Variants in FAT3 observed in about 807,000 individuals in gnomAD.
FAT3 encodes protocadherin Fat 3.
FAT3 carries 95 observed loss-of-function variants against 310.2 expected under a neutral mutation model. That is an observed-to-expected ratio of 0.31 (90% CI 0.26 to 0.36). FAT3 has a LOEUF of 0.36. Ranked by LOEUF, FAT3 falls within the 10% of genes least tolerant of loss-of-function variation. The probability of loss-of-function intolerance (pLI) is 1.00; values close to 1 mark genes in which losing one functional copy is unlikely to be tolerated. For missense variants in FAT3, 5,408 were observed against 5,715.6 expected, an observed-to-expected ratio of 0.95 and a Z score of 1.74; for synonymous variants, 2,314 against 2,192.9, an observed-to-expected ratio of 1.06 and a Z score of -1.54.
At chr11:92,805,060 C>T (rs1947464719) in intron 10 of FAT3, 93 bp from the exon 11 acceptor site, 2 of 1,281,012 alleles carry the variant, frequency 1.6e-6, no homozygotes, top group Non-Finnish European at 2.1e-6. Flanking sequence ...TTAAGGAGTA[C>T]CTGGATGACT....
chr11:92,398,807 G>C (rs1447403858), intron 2 of FAT3, among the ~76,000 whole-genome samples: 3 of 152,202 alleles, frequency 2.0e-5, no homozygotes, highest in East Asian at 1.9e-4. Context: ...CATGTTTGTT[G>C]CTTTTCACTA....
intron 1 of FAT3, among the ~76,000 whole-genome samples, chr11:92,334,987 G>A (rs1052207934): frequency 6.6e-6 from 1 of 152,166 alleles, no homozygotes; most frequent in South Asian, 2.1e-4. Context: ...ATCTTGATGA[G>A]CTCTGCATAT....
At chr11:92,724,626 T>G (rs1944949508) in intron 4 of FAT3, among the ~76,000 whole-genome samples, 1 of 152,214 alleles carries the variant, frequency 6.6e-6, no homozygotes, top group Non-Finnish European at 1.5e-5. Context: ...GTAAACTAAG[T>G]CTCATTATGA....
chr11:92,781,724 G>A (rs149531406), intron 7 of FAT3, among the ~76,000 whole-genome samples: 221 of 152,270 alleles, frequency 1.5e-3, no homozygotes, highest in African/African-American at 5.1e-3. Flanking sequence ...AGTTTCTTCA[G>A]CATAAAGAGA....
At chr11:92,278,437 G>C (rs372565145) in intron 1 of FAT3, among the ~76,000 whole-genome samples, 39 of 152,150 alleles carry the variant, frequency 2.6e-4, no homozygotes, top group African/African-American at 9.4e-4. Flanking sequence ...CTATACCTTT[G>C]AGTTTTGCTG....
chr11:92,592,563 G>C (rs1441343981), intron 3 of FAT3, among the ~76,000 whole-genome samples: 4 of 151,872 alleles, frequency 2.6e-5, no homozygotes, highest in Admixed American at 2.6e-4. Context: ...CTCATGATCT[G>C]CCTGGCTCGC....
At chr11:92,597,464 T>G (rs1939770067) in intron 3 of FAT3, among the ~76,000 whole-genome samples, 1 of 152,290 alleles carries the variant, frequency 6.6e-6, no homozygotes, top group South Asian at 2.1e-4. Flanking sequence ...CTCTACCATG[T>G]GCATTATTCA....
At chr11:92,436,417 C>G (rs1333803011) in intron 2 of FAT3, among the ~76,000 whole-genome samples, 1 of 152,188 alleles carries the variant, frequency 6.6e-6, no homozygotes, top group Non-Finnish European at 1.5e-5. Flanking sequence ...GCTGGGATTA[C>G]AGGCGTGAGC....
chr11:92,403,760 G>A (rs1950075195), intron 2 of FAT3, among the ~76,000 whole-genome samples: 1 of 152,108 alleles, frequency 6.6e-6, no homozygotes, highest in Non-Finnish European at 1.5e-5. Flanking sequence ...ATGGGGGCCG[G>A]GTGCAGTGGT....
Position 92,764,871 on chromosome 11 carries a change from G to A in FAT3, c.3985-8G>A, listed in dbSNP as rs749430714. The A allele has an allele frequency of 3.1e-6, 5 of 1,612,770 alleles. No homozygotes were observed. The highest frequency in any genetic ancestry group is 4.2e-6 in the Non-Finnish European group (5 of 1,179,266). ...AGACATCTTTCTCTTCTCTCCCTGT[G>A]TGAGTAGATAAAGGCAGTGGACAAT... is the stretch of plus-strand genomic sequence containing the variant. On this transcript the variant is annotated splice_region_variant and splice_polypyrimidine_tract_variant and intron_variant, in intron 5 of 27. Coordinates refer to ENST00000525166, the MANE Select transcript of FAT3 (RefSeq NM_001367949.2).
chr11:92,366,549 TC>T, intron 2 of FAT3: 1 of 498,226 alleles, frequency 2.0e-6, no homozygotes. Flanking sequence ...TTACCGATCA[TC>T]CCCCAAGAAC....
chr11:92,387,063 AGTGTGTGTGTGTGTGTGT>A (rs67529435), intron 2 of FAT3, among the ~76,000 whole-genome samples: 45,680 of 144,202 alleles, frequency 0.32, 7,400 homozygotes, highest in Non-Finnish European at 0.36. Context: ...TATGGGAGCT[AGTGTGTGTGTGTGTGTGT>A]GTGTGTGTGT....
At chr11:92,663,614 T>C (rs1942862369) in intron 3 of FAT3, among the ~76,000 whole-genome samples, 1 of 152,164 alleles carries the variant, frequency 6.6e-6, no homozygotes, top group Non-Finnish European at 1.5e-5. Context: ...ATACACCTGC[T>C]CAGTTGGTCA....
chr11:92,483,928 A>G (rs972712685), intron 2 of FAT3, among the ~76,000 whole-genome samples: 3 of 152,246 alleles, frequency 2.0e-5, no homozygotes, highest in Admixed American at 1.3e-4. Context: ...CAGGTCTGCC[A>G]TAATGCCATT....
At chr11:92,563,731 T>G (rs1955319916) in intron 3 of FAT3, among the ~76,000 whole-genome samples, 1 of 152,052 alleles carries the variant, frequency 6.6e-6, no homozygotes, top group African/African-American at 2.4e-5. Flanking sequence ...GGGGCCAAAA[T>G]TCAACATTCT....
At chr11:92,554,798 T>C (rs560947094) in intron 3 of FAT3, among the ~76,000 whole-genome samples, 2 of 152,210 alleles carry the variant, frequency 1.3e-5, no homozygotes, top group African/African-American at 2.4e-5. Flanking sequence ...TGGTGCGTTG[T>C]TGCCAGTCTC....
At chr11:92,468,418 A>G (rs1291576898) in intron 2 of FAT3, among the ~76,000 whole-genome samples, 4 of 152,224 alleles carry the variant, frequency 2.6e-5, no homozygotes, top group East Asian at 1.9e-4. Flanking sequence ...CCCTTGTCAT[A>G]TATAACCTTT....
chr11:92,354,585 A>G lies in FAT3; in HGVS notation c.2473A>G (p.Asn825Asp). The G allele has an allele frequency of 6.2e-7, 1 of 1,613,852 alleles. No individual in the cohort carries two copies. The highest frequency in any genetic ancestry group is 1.6e-4 in the Middle Eastern group (1 of 6,062). ...GCTGACCATCAATGTGGAGGATGCT[A>G]ATGACAATAGCCCAGTTTTTATTCA... is the stretch of plus-strand genomic sequence containing the variant. Reference protein sequence around the residue: ...RLLTINVEDANDNSPVFIQDS... With the variant: ...RLLTINVEDADDNSPVFIQDS... Residue 825 changes from asparagine to aspartate, a missense_variant, in exon 2 of 28, where the codon AAT (asparagine) becomes GAT (aspartate). Asn to Asp is a conservative substitution (Grantham distance 23). Around this residue, in one of 5 missense-constraint regions of FAT3, gnomAD observed 4,588 missense variants for 4,809.8 expected, o/e 0.95. Coordinates refer to ENST00000525166, the MANE Select transcript of FAT3 (RefSeq NM_001367949.2).
At chr11:92,488,450 G>GCGCCCCCCCCCC (rs1952494644) in intron 2 of FAT3, among the ~76,000 whole-genome samples, 1 of 9,334 alleles carries the variant, frequency 1.1e-4, no homozygotes, top group African/African-American at 1.9e-4. Flanking sequence ...AACTAGCACC[G>GCGCCCCCCCCCC]CCCCCCCCCC....
Sources: allele counts gnomAD v4.1 joint callset (sites outside exome capture counted in the v4.1 genomes callset), GRCh38; gene constraint gnomAD v4.1.1; regional missense constraint gnomAD v4.1.1; transcripts MANE v1.5; gene names NCBI Gene and HGNC (gene_info 2026-07-23, HGNC 2026-07-21).